The following EPS15 variants were observed in gnomAD, a reference collection of about 807,000 sequenced individuals.
EPS15 encodes the protein epidermal growth factor receptor substrate 15.
In EPS15, 72 loss-of-function variants were observed where a neutral mutation model predicts 113.8. The ratio of observed to expected loss-of-function variants is 0.63; its 90% CI spans 0.52 to 0.77. The LOEUF is 0.77. EPS15 is among the 30% of genes least tolerant of loss of function. EPS15 has a pLI of 0.00. For missense variants in EPS15, 1,048 were observed against 1,045.8 expected (o/e 1.00, Z -0.03); for synonymous variants, 344 against 363.4 (o/e 0.95, Z 0.61).
intron 12 of EPS15, among the ~76,000 whole-genome samples, chr1:51,430,040 A>T (rs1651578422): frequency 1.3e-5 from 2 of 152,152 alleles, no homozygotes; most frequent in Admixed American, 6.5e-5. Flanking sequence ...TTATTTAGCA[A>T]CACAGCTCTT....
intron 1 of EPS15, among the ~76,000 whole-genome samples, chr1:51,501,707 G>A (rs1017219362): frequency 1.3e-5 from 2 of 152,042 alleles, no homozygotes; most frequent in Admixed American, 6.6e-5. Context: ...TCAAACTCCT[G>A]ATCTCAGGTG....
At chr1:51,358,424 G>A (rs1049705723) in intron 24 of EPS15, among the ~76,000 whole-genome samples, 1 of 152,070 alleles carries the variant, frequency 6.6e-6, no homozygotes, top group Non-Finnish European at 1.5e-5. Flanking sequence ...AGCAACCTTG[G>A]CAAATACTAA....
chr1:51,496,895 GTGACATA>G (rs1644333502), intron 1 of EPS15, among the ~76,000 whole-genome samples: 1 of 152,044 alleles, frequency 6.6e-6, no homozygotes, highest in African/African-American at 2.4e-5. Flanking sequence ...TGTCTACTAT[GTGACATA>G]TGACAGTGGA....
At chr1:51,408,859 G>T (rs907766768) in intron 14 of EPS15, among the ~76,000 whole-genome samples, 2 of 150,866 alleles carry the variant, frequency 1.3e-5, no homozygotes, top group Admixed American at 1.3e-4. Context: ...GAGTGCAGTG[G>T]CGTGATCTCA....
chr1:51,395,287 C>T (rs1647816083), intron 20 of EPS15, among the ~76,000 whole-genome samples: 1 of 152,100 alleles, frequency 6.6e-6, no homozygotes, highest in African/African-American at 2.4e-5. Flanking sequence ...AAACTAAGAA[C>T]ACTGGTACAA....
chr1:51,424,442 A>G (rs1310901793), intron 12 of EPS15, among the ~76,000 whole-genome samples: 2 of 152,336 alleles, frequency 1.3e-5, no homozygotes, highest in East Asian at 3.9e-4. Flanking sequence ...ATATTTTTCT[A>G]CAGTTGATGG....
chr1:51,477,501 G>C (rs557852744), intron 2 of EPS15, among the ~76,000 whole-genome samples: 100 of 152,198 alleles, frequency 6.6e-4, no homozygotes, highest in African/African-American at 2.3e-3. Flanking sequence ...GCTAGCTTTT[G>C]AATGTGCTGG....
At chr1:51,515,751 G>A (rs1437994162) in intron 1 of EPS15, among the ~76,000 whole-genome samples, 1 of 152,182 alleles carries the variant, frequency 6.6e-6, no homozygotes, top group Admixed American at 6.5e-5. Flanking sequence ...AAATGTAAGG[G>A]AGCGTTGGAT....
rs755825082 is a variant in EPS15 at position 51,444,975 on chromosome 1, T to C, written c.868A>G (p.Ser290Gly). Residue 290 changes from serine to glycine, a missense_variant, in exon 11 of 25, where the codon AGT (serine) becomes GGT (glycine). Physicochemically the swap from Ser to Gly is moderately conservative, Grantham distance 56. Transcript: ENST00000371733. ...TCAATGCCCTTGATTAACTTCTGACTGATTAAGTGAAAAGCCAAGGCAAAC... is the reference window on the plus strand; with the variant it reads ...TCAATGCCCTTGATTAACTTCTGACCGATTAAGTGAAAAGCCAAGGCAAAC... Reference protein sequence around the residue: ...DQFALAFHLISQKLIKGIDPP... With the variant: ...DQFALAFHLIGQKLIKGIDPP... 1.2e-6 allele frequency: 2 copies of C among 1,614,030 alleles called. No individual in the cohort carries two copies. The highest frequency in any genetic ancestry group is 3.3e-5 in the Admixed American group (2 of 60,000).
At chr1:51,486,733 C>G (rs1033349479) in intron 1 of EPS15, among the ~76,000 whole-genome samples, 1 of 151,890 alleles carries the variant, frequency 6.6e-6, no homozygotes, top group Non-Finnish European at 1.5e-5. Context: ...GGCTGGAGTA[C>G]AGTGGCATGA....
At chr1:51,368,305 CA>C (rs1342948202) in intron 21 of EPS15, among the ~76,000 whole-genome samples, 1 of 152,026 alleles carries the variant, frequency 6.6e-6, no homozygotes, top group Non-Finnish European at 1.5e-5. Context: ...TTTGCTTTGT[CA>C]CCAAACATTT....
intron 1 of EPS15, among the ~76,000 whole-genome samples, chr1:51,497,004 AC>A (rs1644335299): frequency 6.6e-6 from 1 of 152,258 alleles, no homozygotes; most frequent in East Asian, 1.9e-4. Flanking sequence ...TTATAAGTGA[AC>A]AAAAATGAAA....
intron 21 of EPS15, among the ~76,000 whole-genome samples, chr1:51,374,426 G>A (rs1383504000): frequency 6.6e-6 from 1 of 152,050 alleles, no homozygotes; most frequent in Non-Finnish European, 1.5e-5. Flanking sequence ...AGACCAGCCT[G>A]GCCAACGTCT....
chr1:51,447,128 T>C (rs1389971914), intron 9 of EPS15, 23 bp from the exon 10 acceptor site: 1 of 1,575,602 alleles, frequency 6.3e-7, no homozygotes. Context: ...AAAAAAACAG[T>C]ATTTCTGCCA....
rs547135378 is a variant in EPS15 at position 51,487,586 on chromosome 1, T to C, written c.34-6272A>G. ...ACTTTGCCAAAGACAGCAAATTAAA[T>C]ATGTTCCCTCAATAATAAAAAGTTA... On this transcript the variant is annotated intron_variant, in intron 1 of 24. Transcript: ENST00000371733. Among the ~76,000 whole-genome samples the C allele has an allele frequency of 7.2e-4, 109 of 152,274 alleles. 1 individual carries two copies. In the South Asian group the frequency reaches 0.013, roughly 18 times the overall value.
intron 1 of EPS15, among the ~76,000 whole-genome samples, chr1:51,494,263 G>A (rs1644290737): frequency 6.6e-6 from 1 of 152,076 alleles, no homozygotes; most frequent in African/African-American, 2.4e-5. Flanking sequence ...ACTATTTCAA[G>A]CACCTTGTCC....
chr1:51,371,318 T>C (rs937287051), intron 21 of EPS15, among the ~76,000 whole-genome samples: 1 of 152,128 alleles, frequency 6.6e-6, no homozygotes. Context: ...AAGGCATTGT[T>C]ATCGTAAGAG....
chr1:51,449,572 A>G (rs1365714756), intron 8 of EPS15, among the ~76,000 whole-genome samples: 1 of 149,558 alleles, frequency 6.7e-6, no homozygotes, highest in Non-Finnish European at 1.5e-5. Flanking sequence ...TGAACCTAAA[A>G]TAAGAGTTAA....
chr1:51,487,040 C>T (rs938204597), intron 1 of EPS15, among the ~76,000 whole-genome samples: 2 of 152,068 alleles, frequency 1.3e-5, no homozygotes, highest in African/African-American at 4.8e-5. Flanking sequence ...CCTGAGCTAA[C>T]TGGGGACAGC....
Sources: allele counts gnomAD v4.1 joint callset (sites outside exome capture counted in the v4.1 genomes callset), GRCh38; gene constraint gnomAD v4.1.1; transcripts MANE v1.5; gene names NCBI Gene and HGNC (gene_info 2026-07-23, HGNC 2026-07-21).